UGT2B4: variants seen among roughly 807,000 people sequenced by gnomAD.
UGT2B4 encodes UDP glucuronosyltransferase family 2 member B4.
A neutral mutation model predicts 49.8 loss-of-function variants in UGT2B4; 49 were observed. The observed-to-expected ratio is 0.98, with a 90% CI of 0.78 to 1.25. UGT2B4 has a LOEUF of 1.25. UGT2B4 is among the 50% of genes most tolerant of loss of function. The pLI is 0.00. For synonymous variants in UGT2B4, 246 were observed against 217.7 expected (o/e 1.13, Z -1.14); for missense variants, 729 against 627.7 (o/e 1.16, Z -1.73).
At chr4:69,489,924 C>T (rs1163315508) in intron 2 of UGT2B4, among the ~76,000 whole-genome samples, 1 of 152,060 alleles carries the variant, frequency 6.6e-6, no homozygotes, top group Non-Finnish European at 1.5e-5. Flanking sequence ...GGCTTTAATG[C>T]TATATTGTTG....
In UGT2B4 at chr4:69,480,724, G is replaced by A; in HGVS notation, c.1497C>T (p.Ala499=). 1 of 1,613,930 alleles carries A rather than the reference G, an allele frequency of 6.2e-7. No individual in the cohort carries two copies. Among genetic ancestry groups the A allele is most frequent in the Non-Finnish European group, 8.5e-7 (1 of 1,179,944 alleles). Residue 499 remains alanine, a synonymous_variant, in exon 6 of 6, where the codon GCC becomes GCT. Transcript: ENST00000305107. ...HSLDVTGFLL[A]CVATVIFIIT... is the part of the protein sequence containing the mutation. ...TGATGAATATCACAGTTGCCACACA[G>A]GCCAGCAGGAACCCAGTCACATCCA...
chr4:69,509,494 T>TTG (rs986140765), intron 1 of UGT2B4, among the ~76,000 whole-genome samples: 1 of 152,110 alleles, frequency 6.6e-6, no homozygotes, highest in South Asian at 2.1e-4. Flanking sequence ...AAGCCAACAA[T>TTG]TGTGTGTGTG....
chr4:69,521,448 G>A (rs536797101), intron 1 of UGT2B4, among the ~76,000 whole-genome samples: 4 of 152,314 alleles, frequency 2.6e-5, no homozygotes, highest in East Asian at 1.9e-4. Context: ...AGCAGAAGCT[G>A]TGTGCAGTAC....
chr4:69,520,869 C>G (rs1463010003), intron 1 of UGT2B4, among the ~76,000 whole-genome samples: 1 of 152,178 alleles, frequency 6.6e-6, no homozygotes, highest in Non-Finnish European at 1.5e-5. Context: ...TGATGAAGCC[C>G]CATCTTCAAG....
At chr4:69,492,124 A>T (rs1231604840) in intron 2 of UGT2B4, among the ~76,000 whole-genome samples, 1 of 152,040 alleles carries the variant, frequency 6.6e-6, no homozygotes, top group East Asian at 1.9e-4. Context: ...TTCAGATACG[A>T]GTGGTAGAAA....
At chr4:69,483,471 A>G (rs957461802) in intron 5 of UGT2B4, among the ~76,000 whole-genome samples, 1 of 152,014 alleles carries the variant, frequency 6.6e-6, no homozygotes, top group African/African-American at 2.4e-5. Context: ...ATTTGGTCTT[A>G]TTTTTCAGGT....
At chr4:69,500,956 C>A (rs964645405) in intron 1 of UGT2B4, among the ~76,000 whole-genome samples, 2 of 151,990 alleles carry the variant, frequency 1.3e-5, no homozygotes, top group Non-Finnish European at 2.9e-5. Flanking sequence ...GGCTTCCTGG[C>A]AAAAGTAGCT....
At chr4:69,522,499 G>T (rs974516412) in intron 1 of UGT2B4, among the ~76,000 whole-genome samples, 1 of 152,192 alleles carries the variant, frequency 6.6e-6, no homozygotes, top group African/African-American at 2.4e-5. Context: ...CAGTATTAGA[G>T]AGTCTATTAA....
At chr4:69,511,780 A>G (rs767907180) in intron 1 of UGT2B4, among the ~76,000 whole-genome samples, 1 of 152,146 alleles carries the variant, frequency 6.6e-6, no homozygotes, top group Non-Finnish European at 1.5e-5. Context: ...TAGTGAAGCC[A>G]TCTGGTGCTG....
At position 69,495,305 on chromosome 4, in the gene UGT2B4, C is replaced by T. The variant is rs373736286; in HGVS notation, c.557G>A (p.Gly186Glu). Residue 186 changes from glycine to glutamate, a missense_variant, in exon 1 of 6, where the codon GGA (glycine) becomes GAA (glutamate). Physicochemically the swap from Gly to Glu is moderately conservative, Grantham distance 98. Transcript: ENST00000305107. ...PGYAIEKHSG[G>E]LLFPPSYVPV... is the part of the protein sequence containing the mutation. ...CACATAGGAAGGAGGGAACAGAAGT[C>T]CTCCACTATGCTTTTCAATTGCGTA... 5.6e-6 allele frequency: 9 copies of T among 1,613,116 alleles called. No individual in the cohort carries two copies. The highest frequency in any genetic ancestry group is 6.8e-6 in the Non-Finnish European group (8 of 1,179,652).
Position 69,512,726 on chromosome 4 carries a change from G to T in UGT2B4, c.-106+12961C>A, listed in dbSNP as rs555166032. ...CTTCACCAGCATCTGTTTTTTTTTT[G>T]TTTGTTTGTTTGTTTTGTTTTGTTT... is the stretch of plus-strand genomic sequence containing the variant. On this transcript the variant is annotated intron_variant, in intron 1 of 1. Coordinates refer to the UGT2B4 transcript ENST00000510114. Among the ~76,000 whole-genome samples, 33 of 151,158 alleles carry T rather than the reference G, an allele frequency of 2.2e-4. 1 individual carries two copies. The highest frequency in any genetic ancestry group is 7.6e-4 in the African/African-American group (31 of 41,006).
chr4:69,491,940 A>G (rs1447067380), intron 2 of UGT2B4, among the ~76,000 whole-genome samples: 2 of 152,170 alleles, frequency 1.3e-5, no homozygotes, highest in African/African-American at 4.8e-5. Context: ...ATAAGGAGGT[A>G]GGCAAAAATT....
At chr4:69,483,922 C>T (rs949098486) in intron 5 of UGT2B4, among the ~76,000 whole-genome samples, 2 of 151,792 alleles carry the variant, frequency 1.3e-5, no homozygotes, top group Admixed American at 6.6e-5. Flanking sequence ...GGATTGTATC[C>T]ATAATACATA....
Position 69,480,751 on chromosome 4 carries a change from A to C in UGT2B4, c.1470T>G (p.Ser490=). 1 of 1,614,032 alleles carries C rather than the reference A, an allele frequency of 6.2e-7. No homozygotes were observed. The highest frequency in any genetic ancestry group is 8.5e-7 in the Non-Finnish European group (1 of 1,179,936). ...CCAGCAGGAACCCAGTCACATCCAA[A>C]GAGTGGTACTGGAACCAGGTGAGGT... ...AHDLTWFQYH[S]LDVTGFLLAC... is the part of the protein sequence containing the mutation. The change falls in exon 6 of 6, where the codon TCT becomes TCG. Residue 490 remains serine, a synonymous_variant. Transcript: ENST00000305107.
Position 69,480,392 on chromosome 4 carries a change from C to A in UGT2B4, c.*242G>T. 2.1e-6 allele frequency: 1 copy of A among 469,646 alleles called. No individual in the cohort carries two copies. The highest frequency in any genetic ancestry group is 3.8e-5 in the Admixed American group (1 of 26,264). 29.1% of individuals were successfully genotyped at this position (469,646 alleles called of 1,614,324 possible). A position where few individuals can be genotyped will look rare whatever the true frequency, so the allele number is the denominator to read the frequency against. On this transcript the variant is annotated 3_prime_UTR_variant, in exon 6 of 6. Transcript: ENST00000305107. ...AATAAATTTCAATATAAGCTCAATA[C>A]ATTTCAATATAACCTCATATGGCTT...
chr4:69,492,580 T>C (rs1728022433), intron 2 of UGT2B4, among the ~76,000 whole-genome samples: 1 of 152,100 alleles, frequency 6.6e-6, no homozygotes, highest in South Asian at 2.1e-4. Flanking sequence ...AATCTTGAAA[T>C]GCTGAATAAT....
intron 2 of UGT2B4, among the ~76,000 whole-genome samples, chr4:69,491,382 A>T (rs888263368): frequency 6.6e-6 from 1 of 152,052 alleles, no homozygotes; most frequent in African/African-American, 2.4e-5. Context: ...ATTTTCCATA[A>T]ATATTAAATA....
chr4:69,525,098 T>A (rs551919419), intron 1 of UGT2B4, among the ~76,000 whole-genome samples: 1 of 152,310 alleles, frequency 6.6e-6, no homozygotes, highest in African/African-American at 2.4e-5. Flanking sequence ...TTATTTTAAT[T>A]TACAGGAAAA....
chr4:69,489,967 G>A (rs1489709549), intron 2 of UGT2B4, among the ~76,000 whole-genome samples: 1 of 152,070 alleles, frequency 6.6e-6, no homozygotes, highest in Non-Finnish European at 1.5e-5. Flanking sequence ...TTTTAGGCAG[G>A]TTTTCTACAG....
Sources: allele counts gnomAD v4.1 joint callset (sites outside exome capture counted in the v4.1 genomes callset), GRCh38; gene constraint gnomAD v4.1.1; transcripts MANE v1.5; gene names NCBI Gene and HGNC (gene_info 2026-07-23, HGNC 2026-07-21).